MYO3B: variants seen among roughly 807,000 people sequenced by gnomAD.
MYO3B encodes the protein myosin IIIB.
In MYO3B, 156 loss-of-function variants were observed where a neutral mutation model predicts 174.6. That is an observed-to-expected ratio of 0.89 (90% CI 0.78 to 1.02). The LOEUF (loss-of-function observed/expected upper bound fraction) is 1.02, where lower values mean the gene tolerates loss of function less well. Ranked by LOEUF, MYO3B falls within the 50% of genes least tolerant of loss-of-function variation. MYO3B has a pLI of 0.00. For synonymous variants in MYO3B, 563 were observed against 569.1 expected, an observed-to-expected ratio of 0.99 and a Z score of 0.15; for missense variants, 1,632 against 1,639.4, an observed-to-expected ratio of 1.00 and a Z score of 0.08.
At chr2:170,370,898 CTCTTTTTTTT>C (rs988703013) in intron 9 of MYO3B, among the ~76,000 whole-genome samples, 13 of 149,490 alleles carry the variant, frequency 8.7e-5, no homozygotes, top group Non-Finnish European at 1.3e-4. Flanking sequence ...CTCTCTCTCT[CTCTTTTTTTT>C]TCTTTTTTTT....
At chr2:170,614,777 C>G (rs1575251480) in intron 32 of MYO3B, among the ~76,000 whole-genome samples, 1 of 152,192 alleles carries the variant, frequency 6.6e-6, no homozygotes, top group Admixed American at 6.5e-5. Flanking sequence ...CCCCTCAGTC[C>G]TGACTCTCAG....
At position 170,651,633 on chromosome 2, in the gene MYO3B, GA is replaced by G; in HGVS notation, c.3743del (p.Asn1248MetfsTer20). ...LWGAPQKPGS[E>X]NGLAQKHRTP... ...AAGTTTTGCTCTTTTTTCAGGTTCA[GA>G]AAATGGTCTTGCACAGAAGCATCGA... On this transcript the variant is annotated frameshift_variant, in exon 33 of 35. Transcript: ENST00000408978. LOFTEE classifies it high-confidence loss of function. 1 of 1,614,026 alleles carries G rather than the reference GA, an allele frequency of 6.2e-7. No homozygotes were observed. The highest frequency in any genetic ancestry group is 8.5e-7 in the Non-Finnish European group (1 of 1,179,984).
chr2:170,451,917 T>C (rs1683614322), intron 23 of MYO3B, among the ~76,000 whole-genome samples: 1 of 152,168 alleles, frequency 6.6e-6, no homozygotes, highest in Non-Finnish European at 1.5e-5. Context: ...GAAAACACTA[T>C]GGAAGAAGAC....
At chr2:170,192,763 A>G (rs1264359721) in intron 1 of MYO3B, among the ~76,000 whole-genome samples, 1 of 151,556 alleles carries the variant, frequency 6.6e-6, no homozygotes, top group Non-Finnish European at 1.5e-5. Flanking sequence ...TTATTTTTAT[A>G]TACTCTGTAA....
chr2:170,237,335 C>T (rs181271599), intron 7 of MYO3B, among the ~76,000 whole-genome samples: 42 of 152,160 alleles, frequency 2.8e-4, no homozygotes, highest in Middle Eastern at 3.4e-3. Flanking sequence ...TTACCCCTCA[C>T]CATTTATTTA....
At chr2:170,181,464 C>T (rs531616243) in intron 1 of MYO3B, among the ~76,000 whole-genome samples, 1 of 152,094 alleles carries the variant, frequency 6.6e-6, no homozygotes, top group South Asian at 2.1e-4. Flanking sequence ...GGCTTCACCA[C>T]AGTATTCAAT....
chr2:170,289,393 A>G (rs72889444), intron 7 of MYO3B, among the ~76,000 whole-genome samples: 19,341 of 151,972 alleles, frequency 0.13, 1,464 homozygotes, highest in Admixed American at 0.24. Context: ...CTCATTAACA[A>G]TTATTGGTTT....
At chr2:170,645,485 A>T (rs865918094) in intron 32 of MYO3B, among the ~76,000 whole-genome samples, 3 of 151,928 alleles carry the variant, frequency 2.0e-5, no homozygotes, top group South Asian at 2.1e-4. Flanking sequence ...AAAAAAAAAA[A>T]AAAAAAGTGA....
intron 32 of MYO3B, among the ~76,000 whole-genome samples, chr2:170,608,972 G>T (rs1694982173): frequency 6.6e-6 from 1 of 152,190 alleles, no homozygotes; most frequent in African/African-American, 2.4e-5. Flanking sequence ...GTCAGGGAAA[G>T]AAATAAACAA....
chr2:170,501,878 T>C lies in MYO3B; in HGVS notation c.3370+13T>C. 1 of 1,556,838 alleles carries C rather than the reference T, an allele frequency of 6.4e-7. No individual in the cohort carries two copies. The highest frequency in any genetic ancestry group is 1.7e-4 in the Middle Eastern group (1 of 5,938). On this transcript the variant is annotated intron_variant, in intron 28 of 34. Transcript: ENST00000408978. ...CATAATCAAGCAGGTAATTAAAACA[T>C]CATTTTCACAGTGTCCACTTGAAAA...
intron 32 of MYO3B, among the ~76,000 whole-genome samples, chr2:170,592,914 A>ATATATATAGATATCTAGATATCTAGATC (rs1307088600): frequency 1.3e-5 from 2 of 152,062 alleles, no homozygotes; most frequent in African/African-American, 2.4e-5. Context: ...TATGAGATAG[A>ATATATATAGATATCTAGATATCTAGATC]TATATATAGA....
intron 32 of MYO3B, among the ~76,000 whole-genome samples, chr2:170,624,466 C>T (rs1423653818): frequency 6.6e-6 from 1 of 152,158 alleles, no homozygotes; most frequent in Non-Finnish European, 1.5e-5. Flanking sequence ...AGATTTTGGG[C>T]TGAGACGATG....
chr2:170,568,190 C>G (rs1181028683), intron 32 of MYO3B, among the ~76,000 whole-genome samples: 1 of 152,212 alleles, frequency 6.6e-6, no homozygotes. Flanking sequence ...CTTTGCAAAA[C>G]CCCTGAATTC....
chr2:170,566,715 G>A, intron 32 of MYO3B, among the ~76,000 whole-genome samples: 1 of 152,084 alleles, frequency 6.6e-6, no homozygotes, highest in African/African-American at 2.4e-5. Context: ...TGTGTACCAA[G>A]TGTGAATGGA....
intron 16 of MYO3B, among the ~76,000 whole-genome samples, chr2:170,395,474 C>T (rs549924818): frequency 1.2e-4 from 19 of 152,176 alleles, no homozygotes; most frequent in African/African-American, 4.3e-4. Context: ...TTGAGATCGG[C>T]GCAAAATTTC....
intron 7 of MYO3B, among the ~76,000 whole-genome samples, chr2:170,253,177 A>C (rs2093271560): frequency 6.6e-6 from 1 of 152,132 alleles, no homozygotes; most frequent in African/African-American, 2.4e-5. Flanking sequence ...CTCTTGTCAT[A>C]ATTTAAGTAA....
chr2:170,358,351 T>C (rs900757542), intron 8 of MYO3B, among the ~76,000 whole-genome samples: 4 of 152,070 alleles, frequency 2.6e-5, no homozygotes, highest in African/African-American at 7.2e-5. Flanking sequence ...AGACCATACA[T>C]ATTATATGAA....
intron 32 of MYO3B, among the ~76,000 whole-genome samples, chr2:170,557,069 G>A (rs867092334): frequency 6.6e-6 from 1 of 151,480 alleles, no homozygotes; most frequent in African/African-American, 2.4e-5. Flanking sequence ...CGTTAGATAC[G>A]TGTTTTTTTT....
chr2:170,602,355 C>G (rs1575229986), intron 32 of MYO3B: 5 of 635,454 alleles, frequency 7.9e-6, no homozygotes, highest in Non-Finnish European at 1.4e-5. Flanking sequence ...CCGGGCATAG[C>G]CTCCTCACCC....
Sources: allele counts gnomAD v4.1 joint callset (sites outside exome capture counted in the v4.1 genomes callset), GRCh38; gene constraint gnomAD v4.1.1; transcripts MANE v1.5; gene names NCBI Gene and HGNC (gene_info 2026-07-23, HGNC 2026-07-21).